SPECC1: variants seen among roughly 807,000 people sequenced by gnomAD.
SPECC1 encodes cytospin-B.
In SPECC1, 62 loss-of-function variants were observed where a neutral mutation model predicts 104.1. That is an observed-to-expected ratio of 0.60 (90% CI 0.49 to 0.74). The LOEUF (loss-of-function observed/expected upper bound fraction) is 0.74. SPECC1 is among the 30% of genes least tolerant of loss of function. SPECC1 has a pLI of 0.00. For synonymous variants in SPECC1, 513 were observed against 501.6 expected (o/e 1.02, Z -0.30); for missense variants, 1,306 against 1,310.5 (o/e 1.00, Z 0.05).
At chr17:20,269,855 C>T (rs915020090) in intron 12 of SPECC1, among the ~76,000 whole-genome samples, 3 of 152,144 alleles carry the variant, frequency 2.0e-5, no homozygotes, top group Admixed American at 6.6e-5. Context: ...TGTGAATAGC[C>T]GTGGCCATGA....
chr17:20,020,986 AAC>A lies in SPECC1; in HGVS notation c.-22+11564_-22+11565del, dbSNP rs1280804162. Reference sequence around the variant, plus strand: ...GAGTGGAAGCCTTACCCATAATATAAACAGTCAATTAACATTTATTTTGCGTG... The same window carrying A: ...GAGTGGAAGCCTTACCCATAATATAAAGTCAATTAACATTTATTTTGCGTG... On this transcript the variant is annotated intron_variant, in intron 1 of 14. Coordinates refer to ENST00000395527, the MANE Select transcript of SPECC1 (RefSeq NM_001243439.2). Among the ~76,000 whole-genome samples the A allele has an allele frequency of 3.9e-5, 6 of 152,210 alleles. No individual in the cohort carries two copies. In the East Asian group the frequency reaches 9.6e-4, roughly 24 times the overall value.
intron 1 of SPECC1, among the ~76,000 whole-genome samples, chr17:20,050,200 G>A (rs2045688110): frequency 6.6e-6 from 1 of 152,042 alleles, no homozygotes; most frequent in South Asian, 2.1e-4. Flanking sequence ...TTGTGCACAC[G>A]TACCCTAGAA....
At chr17:20,168,140 C>T (rs2033809957) in intron 3 of SPECC1, among the ~76,000 whole-genome samples, 1 of 152,100 alleles carries the variant, frequency 6.6e-6, no homozygotes, top group Admixed American at 6.6e-5. Flanking sequence ...AATACTGTTT[C>T]TGATACCAAA....
intron 3 of SPECC1, among the ~76,000 whole-genome samples, chr17:20,149,988 T>C (rs2031835440): frequency 2.0e-5 from 3 of 152,124 alleles, no homozygotes; most frequent in Non-Finnish European, 1.5e-5. Flanking sequence ...TCTTTTTTTT[T>C]CTGAGATGGA....
intron 2 of SPECC1, among the ~76,000 whole-genome samples, chr17:20,099,511 CAAAAAAAAAAAA>C (rs56285234): frequency 2.2e-5 from 2 of 91,780 alleles, no homozygotes; most frequent in African/African-American, 9.0e-5. Flanking sequence ...TGTCTTTACC[CAAAAAAAAAAAA>C]AAAAAAAAAA....
At chr17:20,033,506 C>G (rs1166397688) in intron 1 of SPECC1, among the ~76,000 whole-genome samples, 2 of 152,066 alleles carry the variant, frequency 1.3e-5, no homozygotes, top group Non-Finnish European at 2.9e-5. Flanking sequence ...GTAGGCTGTA[C>G]AAGAAGCATG....
chr17:20,298,948 A>AGAGAGAGAGAGAGTGTGT, intron 13 of SPECC1, among the ~76,000 whole-genome samples: 1 of 49,070 alleles, frequency 2.0e-5, no homozygotes, highest in African/African-American at 9.3e-5. Flanking sequence ...AGAGAGAGAG[A>AGAGAGAGAGAGAGTGTGT]GTGTGTGTGT....
chr17:20,031,375 G>A (rs922155565), intron 1 of SPECC1, among the ~76,000 whole-genome samples: 3 of 151,568 alleles, frequency 2.0e-5, no homozygotes, highest in Non-Finnish European at 4.4e-5. Context: ...GCTAGAGTGC[G>A]GTGGCGCAAT....
At chr17:20,157,277 C>A (rs1041582150) in intron 3 of SPECC1, among the ~76,000 whole-genome samples, 3 of 152,034 alleles carry the variant, frequency 2.0e-5, no homozygotes, top group African/African-American at 7.2e-5. Flanking sequence ...ACTTGGGGTA[C>A]ATTGGACTGG....
At chr17:20,045,864 A>G (rs2045519851) in intron 1 of SPECC1, among the ~76,000 whole-genome samples, 1 of 152,046 alleles carries the variant, frequency 6.6e-6, no homozygotes, top group East Asian at 1.9e-4. Flanking sequence ...GGTGATGCAA[A>G]ATAACTCCTA....
Position 20,051,068 on chromosome 17 carries a change from T to TTCTC in SPECC1, c.-22+41645_-22+41646insCTCT, listed in dbSNP as rs1555597662. 3.9e-4 allele frequency among the ~76,000 whole-genome samples: 35 copies of TTCTC among 90,758 alleles called. No homozygotes were observed. The South Asian group carries it at 4.5e-3, about 12-fold the overall frequency. 59.5% of individuals were successfully genotyped at this position (90,758 alleles called of 152,430 possible). A position where few individuals can be genotyped will look rare whatever the true frequency, so the allele number is the denominator to read the frequency against. ...CTTGGTTCTTTCTTTCTTTCTTTCTTTTTCTTTCTTTCTTTCTTTCTTTCT... is the reference window on the plus strand; with the variant it reads ...CTTGGTTCTTTCTTTCTTTCTTTCTTTCTCTTTCTTTCTTTCTTTCTTTCTTTCT... On this transcript the variant is annotated intron_variant, in intron 1 of 14. Transcript: ENST00000395527.
At chr17:20,153,417 C>T (rs941906067) in intron 3 of SPECC1, among the ~76,000 whole-genome samples, 2 of 152,190 alleles carry the variant, frequency 1.3e-5, no homozygotes, top group Non-Finnish European at 2.9e-5. Context: ...TAGGCAGAGG[C>T]ATGGCGCAGT....
chr17:20,190,712 T>C (rs1035878312), intron 3 of SPECC1, among the ~76,000 whole-genome samples: 1 of 152,248 alleles, frequency 6.6e-6, no homozygotes, highest in East Asian at 1.9e-4. Context: ...TATAATGCCA[T>C]GTATCCAAGT....
At chr17:20,295,395 A>C (rs7223481) in intron 12 of SPECC1, among the ~76,000 whole-genome samples, 4,261 of 152,218 alleles carry the variant, frequency 0.028, 188 homozygotes, top group African/African-American at 0.096. Flanking sequence ...TACATGTGCC[A>C]CATTTTCTTA....
chr17:20,091,497 C>T (rs989801990), intron 1 of SPECC1, among the ~76,000 whole-genome samples: 1 of 152,302 alleles, frequency 6.6e-6, no homozygotes, highest in Middle Eastern at 3.4e-3. Flanking sequence ...TTACCGATGT[C>T]TAGCAGCATC....
chr17:20,195,414 T>G (rs2035964894), intron 3 of SPECC1, among the ~76,000 whole-genome samples: 1 of 152,222 alleles, frequency 6.6e-6, no homozygotes, highest in Non-Finnish European at 1.5e-5. Context: ...CCCATAACTT[T>G]AGAATATACC....
chr17:20,062,613 C>G (rs1463868978), intron 1 of SPECC1, among the ~76,000 whole-genome samples: 2 of 152,154 alleles, frequency 1.3e-5, no homozygotes, highest in Non-Finnish European at 2.9e-5. Context: ...GATCCTCCTG[C>G]CTCAGCTTCC....
At chr17:20,103,639 G>C (rs865964975) in intron 2 of SPECC1, among the ~76,000 whole-genome samples, 37 of 152,234 alleles carry the variant, frequency 2.4e-4, no homozygotes, top group African/African-American at 8.9e-4. Context: ...TGTTTCTCCT[G>C]CCGATCTTCC....
intron 7 of SPECC1, among the ~76,000 whole-genome samples, chr17:20,241,336 A>G (rs1238457126): frequency 6.6e-6 from 1 of 151,856 alleles, no homozygotes; most frequent in Admixed American, 6.6e-5. Context: ...ACTGCCCTTT[A>G]TGCCTAGGGT....
Sources: gnomAD v4.1 joint callset for allele counts (sites outside exome capture counted in the v4.1 genomes callset) on GRCh38, gnomAD v4.1.1 for gene constraint, MANE v1.5 for transcripts, NCBI Gene and HGNC (gene_info 2026-07-23, HGNC 2026-07-21) for gene names.